Variants in KCNA6 observed in about 807,000 individuals in gnomAD.
The protein encoded by KCNA6 is human brain potassium channel-2.
Under a neutral mutation model 29.5 loss-of-function variants are expected in KCNA6, and 17 were observed. The ratio of observed to expected loss-of-function variants is 0.58; its 90% CI spans 0.39 to 0.86. The LOEUF (loss-of-function observed/expected upper bound fraction) is 0.86. Ranked by LOEUF, KCNA6 falls within the 40% of genes least tolerant of loss-of-function variation. KCNA6 has a pLI of 0.00. For synonymous variants in KCNA6, 296 were observed against 304.7 expected (o/e 0.97, Z 0.30); for missense variants, 450 against 703.4 (o/e 0.64, Z 4.07).
downstream of KCNA6, among the ~76,000 whole-genome samples, chr12:4,815,743 A>G (rs185819664): frequency 6.1e-4 from 93 of 152,342 alleles, no homozygotes; most frequent in Admixed American, 1.4e-3. Flanking sequence ...AGGAAAGGAC[A>G]TAAATCTCTG....
chr12:4,820,591 ACT>A, the KCNA6 span, among the ~76,000 whole-genome samples: 1 of 144,502 alleles, frequency 6.9e-6, no homozygotes, highest in Non-Finnish European at 1.5e-5. Flanking sequence ...ACACACACAC[ACT>A]CTTAAAAATA....
the KCNA6 span, among the ~76,000 whole-genome samples, chr12:4,838,697 A>G: frequency 1.3e-5 from 2 of 152,332 alleles, no homozygotes; most frequent in Non-Finnish European, 2.9e-5. Context: ...TGGTGGCTAG[A>G]AATCCGTCAT....
chr12:4,819,196 A>G, the KCNA6 span, among the ~76,000 whole-genome samples: 1 of 152,072 alleles, frequency 6.6e-6, no homozygotes, highest in African/African-American at 2.4e-5. Context: ...TCCCTTTCTC[A>G]GTACTGCCAC....
chr12:4,818,231 A>G (rs1946699872), downstream of KCNA6, among the ~76,000 whole-genome samples: 1 of 152,226 alleles, frequency 6.6e-6, no homozygotes, highest in South Asian at 2.1e-4. Context: ...CCCACTGGGA[A>G]TAGTCCTAGC....
the KCNA6 span, among the ~76,000 whole-genome samples, chr12:4,829,871 G>A: frequency 6.6e-6 from 1 of 152,130 alleles, no homozygotes; most frequent in African/African-American, 2.4e-5. Flanking sequence ...AGTAAAGCAG[G>A]CATTATTATA....
chr12:4,841,252 C>A, the KCNA6 span, among the ~76,000 whole-genome samples: 1 of 152,052 alleles, frequency 6.6e-6, no homozygotes, highest in Non-Finnish European at 1.5e-5. Context: ...ATCAGCCAGC[C>A]AGTATCACCA....
At position 4,810,885 on chromosome 12, in the gene KCNA6, T is replaced by C. The variant is rs958497840; in HGVS notation, c.844T>C (p.Phe282Leu). The change falls in exon 1 of 1, where the codon TTC (phenylalanine) becomes CTC (leucine). Residue 282 changes from phenylalanine to leucine, a missense_variant. Physicochemically the swap from Phe to Leu is conservative, Grantham distance 22 (BLOSUM62 0). Coordinates refer to ENST00000280684, the Ensembl canonical transcript of KCNA6. The surrounding 1 kb of genome is among the most constrained non-coding windows in gnomAD (Gnocchi z 7.5). ...GTTCACTTTTGAGCTCCTGGTGCGC[T>C]TCTCCGCCTGCCCTAGCAAGCCGGC... The C allele has an allele frequency of 1.9e-6, 3 of 1,613,868 alleles. No individual in the cohort carries two copies. The highest frequency in any genetic ancestry group is 2.5e-6 in the Non-Finnish European group (3 of 1,179,856).
chr12:4,820,039 C>G, the KCNA6 span, among the ~76,000 whole-genome samples: 1,920 of 152,196 alleles, frequency 0.013, 18 homozygotes, highest in Middle Eastern at 0.037. Context: ...ACTACCTGCA[C>G]GTCAGAGAAA....
chr12:4,841,388 A>G, the KCNA6 span, among the ~76,000 whole-genome samples: 1 of 152,190 alleles, frequency 6.6e-6, no homozygotes, highest in African/African-American at 2.4e-5. Context: ...TCCTTATTTT[A>G]TAAAAGTGAG....
chr12:4,809,953 G>T, exon 1 of KCNA6: 6 of 1,431,648 alleles, frequency 4.2e-6, no homozygotes, highest in Non-Finnish European at 5.5e-6. Flanking sequence ...TAAAGAGGGC[G>T]CAGCCGGGAG....
chr12:4,827,201 C>T, the KCNA6 span, among the ~76,000 whole-genome samples: 43 of 40,172 alleles, frequency 1.1e-3, no homozygotes, highest in Admixed American at 2.2e-3. Context: ...TCCTTCCTTC[C>T]TTCCCTCCTT....
At chr12:4,819,103 T>C in the KCNA6 span, among the ~76,000 whole-genome samples, 1 of 152,206 alleles carries the variant, frequency 6.6e-6, no homozygotes, top group Non-Finnish European at 1.5e-5. Flanking sequence ...CTTATACATA[T>C]ACCCACGTAT....
chr12:4,829,812 T>A, the KCNA6 span, among the ~76,000 whole-genome samples: 1 of 152,180 alleles, frequency 6.6e-6, no homozygotes, highest in Admixed American at 6.5e-5. Context: ...GCACTTCACA[T>A]TTTACAACTC....
chr12:4,826,229 GTTTGT>G, the KCNA6 span, among the ~76,000 whole-genome samples: 5 of 151,978 alleles, frequency 3.3e-5, no homozygotes, highest in Non-Finnish European at 5.9e-5. Context: ...TTTTTTGTTT[GTTTGT>G]TTTGTTTTGT....
the KCNA6 span, among the ~76,000 whole-genome samples, chr12:4,831,416 G>A: frequency 6.6e-6 from 1 of 152,152 alleles, no homozygotes; most frequent in Non-Finnish European, 1.5e-5. Flanking sequence ...ATTGGACCAG[G>A]GTTGAGCCTG....
chr12:4,810,132 G>A lies in KCNA6; in HGVS notation c.91G>A (p.Ala31Thr), dbSNP rs759733168. 8 of 1,599,092 alleles carry A rather than the reference G, an allele frequency of 5.0e-6. No individual in the cohort carries two copies. The highest frequency in any genetic ancestry group is 8.5e-7 in the Non-Finnish European group (1 of 1,173,866). Residue 31 changes from alanine to threonine, a missense_variant, in exon 1 of 1, where the codon GCC becomes ACC. This residue lies in a region of KCNA6 where 72 missense variants were observed against 64.2 expected (regional missense o/e 1.12). Transcript: ENST00000280684. The surrounding 1 kb of genome is among the most constrained non-coding windows in gnomAD (Gnocchi z 7.5). ...ACAGGATGCGGGAGACTTCCCGGAGGCCGGCGGGGGCGGGGGCTGCTGTAG... is the reference window on the plus strand; with the variant it reads ...ACAGGATGCGGGAGACTTCCCGGAGACCGGCGGGGGCGGGGGCTGCTGTAG...
chr12:4,850,274 C>A, the KCNA6 span, among the ~76,000 whole-genome samples: 1 of 146,884 alleles, frequency 6.8e-6, no homozygotes, highest in Non-Finnish European at 1.5e-5. This position sits in a 1 kb window ranked among gnomAD's most constrained non-coding sequence, Gnocchi z 5.4. Flanking sequence ...ACGCGCCTGA[C>A]GCTGGTGCAG....
chr12:4,824,272 C>A, the KCNA6 span, among the ~76,000 whole-genome samples: 1 of 152,142 alleles, frequency 6.6e-6, no homozygotes, highest in African/African-American at 2.4e-5. Flanking sequence ...GGTCTCTTGT[C>A]CAAACGTTAG....
At chr12:4,813,103 G>A (rs1192964721) in exon 1 of KCNA6, 2 of 166,340 alleles carry the variant, frequency 1.2e-5, no homozygotes, top group Non-Finnish European at 2.9e-5. Context: ...TTATATCTAT[G>A]CTTTCAGACT....
Sources: gnomAD v4.1 joint callset for allele counts (sites outside exome capture counted in the v4.1 genomes callset) on GRCh38, gnomAD v4.1.1 for gene constraint, gnomAD v4.1.1 regional missense constraint, Gnocchi (gnomAD v3.1) non-coding constraint, MANE v1.5 for transcripts, NCBI Gene and HGNC (gene_info 2026-07-23, HGNC 2026-07-21) for gene names.